Variants in ERICH1 observed in about 807,000 individuals in gnomAD.
The protein encoded by ERICH1 is glutamate rich 1, also known as glutamate-rich protein 1.
A neutral mutation model predicts 39.6 loss-of-function variants in ERICH1; 56 were observed. That is an observed-to-expected ratio of 1.41 (90% CI 1.14 to 1.77). ERICH1 has a LOEUF of 1.77. Among genes scored for constraint, ERICH1 ranks in the 40% most tolerant of loss-of-function variants. The pLI is 0.00. For missense variants in ERICH1, 826 were observed against 575.4 expected, an observed-to-expected ratio of 1.44 and a Z score of -4.45; for synonymous variants, 313 against 223.6, an observed-to-expected ratio of 1.40 and a Z score of -3.57.
intron 2 of ERICH1, among the ~76,000 whole-genome samples, chr8:708,688 T>TTTTGTTTTTG (rs530570155): frequency 5.7e-4 from 18 of 31,778 alleles, no homozygotes; most frequent in Admixed American, 1.6e-3. Flanking sequence ...TGAGTTTTTT[T>TTTTGTTTTTG]TTTTTTTTTT....
chr8:638,659 T>C (rs1798648992), intron 3 of ERICH1, among the ~76,000 whole-genome samples: 1 of 152,186 alleles, frequency 6.6e-6, no homozygotes, highest in South Asian at 2.1e-4. Flanking sequence ...GTGGATAATT[T>C]AAGTTGCTGT....
intron 1 of ERICH1, chr8:725,099 T>C (rs1335885848): frequency 5.8e-6 from 1 of 171,838 alleles, no homozygotes. Context: ...TCTGCTGTCC[T>C]CTCTGGCTTC....
At chr8:697,294 G>C (rs1159166310) in intron 2 of ERICH1, among the ~76,000 whole-genome samples, 1 of 152,192 alleles carries the variant, frequency 6.6e-6, no homozygotes, top group Admixed American at 6.5e-5. Flanking sequence ...CCTCCTGCCA[G>C]CGCAGGCACA....
intron 2 of ERICH1, among the ~76,000 whole-genome samples, chr8:709,964 C>A (rs1245506903): frequency 6.6e-6 from 1 of 152,000 alleles, no homozygotes; most frequent in Non-Finnish European, 1.5e-5. Flanking sequence ...CTTAAAAATA[C>A]AATTTTAAAA....
chr8:716,239 T>G (rs1815965707), intron 1 of ERICH1, among the ~76,000 whole-genome samples: 1 of 152,236 alleles, frequency 6.6e-6, no homozygotes, highest in South Asian at 2.1e-4. Flanking sequence ...TGCCATCAGC[T>G]GACCCTCTCT....
rs138400252 is a variant in ERICH1 at position 673,689 on chromosome 8, G to A, written c.663C>T (p.Ala221=). 1.1e-4 allele frequency: 181 copies of A among 1,613,318 alleles called. No homozygotes were observed. The African/African-American group carries it at 2.1e-3, about 18-fold the overall frequency. Residue 221 remains alanine, a synonymous_variant, in exon 4 of 6, where the codon GCC becomes GCT. Transcript: ENST00000262109. Reference sequence around the variant, plus strand: ...TGGTATCTTTAACGTCTTCCTCCCCGGCCAGTGTCGGGTCTTCCTCGCTGG... The same window carrying A: ...TGGTATCTTTAACGTCTTCCTCCCCAGCCAGTGTCGGGTCTTCCTCGCTGG... The part of the protein sequence containing the change: ...VDTSEEDPTL[A]GEEDVKDTRE...
intron 2 of ERICH1, among the ~76,000 whole-genome samples, chr8:692,844 T>C (rs1192106088): frequency 2.6e-5 from 4 of 152,332 alleles, no homozygotes; most frequent in Middle Eastern, 3.4e-3. Flanking sequence ...CCATGATTGT[T>C]TGAATTCACA....
chr8:634,838 G>C (rs1221904710), intron 3 of ERICH1, among the ~76,000 whole-genome samples: 1 of 152,122 alleles, frequency 6.6e-6, no homozygotes, highest in Non-Finnish European at 1.5e-5. Context: ...GTTCTTTTTT[G>C]TCTCTTAAGA....
At chr8:636,775 G>A (rs1295088772) in intron 3 of ERICH1, among the ~76,000 whole-genome samples, 1 of 152,244 alleles carries the variant, frequency 6.6e-6, no homozygotes, top group African/African-American at 2.4e-5. Context: ...GGCCCCAGAC[G>A]TGCTCCCCTG....
chr8:722,567 T>G (rs1371640989), intron 1 of ERICH1, among the ~76,000 whole-genome samples: 1 of 152,244 alleles, frequency 6.6e-6, no homozygotes, highest in Non-Finnish European at 1.5e-5. Context: ...GTTTGACCAC[T>G]GGAAGTGAAC....
chr8:633,274 G>A (rs1193586402), intron 3 of ERICH1, among the ~76,000 whole-genome samples: 1 of 152,176 alleles, frequency 6.6e-6, no homozygotes, highest in Non-Finnish European at 1.5e-5. Context: ...AAGAGGCACA[G>A]CTAAAAACGT....
intron 3 of ERICH1, among the ~76,000 whole-genome samples, chr8:683,196 G>T (rs1231004287): frequency 1.3e-5 from 2 of 152,192 alleles, no homozygotes; most frequent in African/African-American, 4.8e-5. Flanking sequence ...ATGGACAAGC[G>T]GTGGCTGTGG....
intron 3 of ERICH1, among the ~76,000 whole-genome samples, chr8:687,997 C>T (rs1442147943): frequency 6.6e-6 from 1 of 152,148 alleles, no homozygotes; most frequent in African/African-American, 2.4e-5. Context: ...GGTCCCGAGC[C>T]CCGACCGCAG....
chr8:686,203 CTT>C (rs1206215806), intron 3 of ERICH1, among the ~76,000 whole-genome samples: 9 of 152,060 alleles, frequency 5.9e-5, no homozygotes, highest in Non-Finnish European at 5.9e-5. Context: ...CTCAGATACT[CTT>C]TAACTTCAAT....
intron 3 of ERICH1, among the ~76,000 whole-genome samples, chr8:658,566 G>C (rs570024509): frequency 6.6e-6 from 1 of 152,094 alleles, no homozygotes; most frequent in Non-Finnish European, 1.5e-5. Flanking sequence ...TGAACTATCC[G>C]CGGCCCACGT....
intron 2 of ERICH1, among the ~76,000 whole-genome samples, chr8:715,480 T>C (rs1815702969): frequency 6.6e-6 from 1 of 152,190 alleles, no homozygotes; most frequent in Admixed American, 6.5e-5. Flanking sequence ...AGCCTGTCCC[T>C]GAGTGGGCAC....
intron 3 of ERICH1, among the ~76,000 whole-genome samples, chr8:656,161 C>A (rs1235579338): frequency 6.6e-6 from 1 of 152,170 alleles, no homozygotes; most frequent in Non-Finnish European, 1.5e-5. Context: ...CCTCGAGGGA[C>A]ATGCCCCTCA....
At chr8:700,560 G>GCCCGCACACGCGCACAGA (rs1811869195) in intron 2 of ERICH1, among the ~76,000 whole-genome samples, 4 of 117,714 alleles carry the variant, frequency 3.4e-5, no homozygotes, top group African/African-American at 8.4e-5. Context: ...ACGCGCACAG[G>GCCCGCACACGCGCACAGA]CCCGCACAGG....
At chr8:634,122 C>G (rs1563171121) in intron 3 of ERICH1, among the ~76,000 whole-genome samples, 1 of 134,778 alleles carries the variant, frequency 7.4e-6, no homozygotes. Context: ...AATCATGCAT[C>G]TAGTAAGGGG....
Sources: allele counts gnomAD v4.1 joint callset (sites outside exome capture counted in the v4.1 genomes callset), GRCh38; gene constraint gnomAD v4.1.1; transcripts MANE v1.5; gene names NCBI Gene and HGNC (gene_info 2026-07-23, HGNC 2026-07-21).